Variants in OR52R1 observed in about 807,000 individuals in gnomAD.
The protein encoded by OR52R1 is olfactory receptor 52R1.
For synonymous variants in OR52R1, 159 were observed against 150.1 expected, an observed-to-expected ratio of 1.06 and a Z score of -0.43; for missense variants, 432 against 395.1, an observed-to-expected ratio of 1.09 and a Z score of -0.79.
Position 4,804,160 on chromosome 11 carries a change from A to G in OR52R1, c.221T>C (p.Leu74Pro), listed in dbSNP as rs1849229128. Reference sequence around the variant, plus strand: ...AGGTTGAGTGGAGGAGGAGAGGACCAGGTCAGTGATGGCCAGCATGGCCAG... The same window carrying G: ...AGGTTGAGTGGAGGAGGAGAGGACCGGGTCAGTGATGGCCAGCATGGCCAG... ...LFLAMLAITD[L>P]VLSSSTQPKM... The change falls in exon 1 of 1, where the codon CTG (leucine) becomes CCG (proline). Residue 74 changes from leucine to proline, a missense_variant. Transcript: ENST00000624978. 2.5e-6 allele frequency: 4 copies of G among 1,614,200 alleles called. No homozygotes were observed. The highest frequency in any genetic ancestry group is 1.6e-4 in the Middle Eastern group (1 of 6,062).
rs1482185083 is a variant in OR52R1 at position 4,804,117 on chromosome 11, G to T, written c.264C>A (p.Phe88Leu). The T allele has an allele frequency of 1.2e-6, 2 of 1,614,154 alleles. No homozygotes were observed. Among genetic ancestry groups the T allele is most frequent in the Non-Finnish European group, 1.7e-6 (2 of 1,180,026 alleles). ...ACTGAATCTCATGAGCATGAAACCA[G>T]AATATGGCCAACATCTTAGGTTGAG... ...SSTQPKMLAI[F>L]WFHAHEIQYH... The change falls in exon 1 of 1, where the codon TTC (phenylalanine) becomes TTA (leucine). Residue 88 changes from phenylalanine to leucine, a missense_variant. Transcript: ENST00000624978.
chr11:4,803,817 C>T lies in OR52R1; in HGVS notation c.564G>A (p.Leu188=), dbSNP rs1440998639. ...TGCTTGTATCAGCACACACCAACTTCAGCACAGCCATGTGCTCACAGTATG... is the reference window on the plus strand; with the variant it reads ...TGCTTGTATCAGCACACACCAACTTTAGCACAGCCATGTGCTCACAGTATG... The part of the protein sequence containing the change: ...PQSYCEHMAV[L]KLVCADTSIS... The change falls in exon 1 of 1, where the codon CTG becomes CTA. Residue 188 remains leucine, a synonymous_variant. Transcript: ENST00000624978. The T allele has an allele frequency of 1.2e-6, 2 of 1,613,114 alleles. No individual in the cohort carries two copies. The highest frequency in any genetic ancestry group is 1.7e-6 in the Non-Finnish European group (2 of 1,179,868).
rs750532090 is a variant in OR52R1 at position 4,804,075 on chromosome 11, G to C, written c.306C>G (p.Ile102Met). The change falls in exon 1 of 1, where the codon ATC (isoleucine) becomes ATG (methionine). Residue 102 changes from isoleucine to methionine, a missense_variant. Physicochemically the swap from Ile to Met is conservative, Grantham distance 10. Coordinates refer to ENST00000624978, the MANE Select transcript of OR52R1 (RefSeq NM_001005177.3). ...AHEIQYHACL[I>M]QVFFIHAFSS... ...AAAAGGCATGGATGAAGAACACCTG[G>C]ATGAGGCAGGCATGGTACTGAATCT... 8 of 1,613,966 alleles carry C rather than the reference G, an allele frequency of 5.0e-6. No individual in the cohort carries two copies. The highest frequency in any genetic ancestry group is 5.1e-6 in the Non-Finnish European group (6 of 1,180,040).
At position 4,803,465 on chromosome 11, in the gene OR52R1, C is replaced by A. The variant is rs1351572757; in HGVS notation, c.916G>T (p.Val306Phe). Residue 306 changes from valine to phenylalanine, a missense_variant, in exon 1 of 1, where the codon GTT becomes TTT. Transcript: ENST00000624978. ...ATGTTTCCACAACATCCTTGGATAA[C>A]CCTGTCCCCGATCTGTTTGGTTCTA... The part of the protein sequence containing the change: ...GVRTKQIGDR[V>F]IQGCCGNIP 7.4e-6 allele frequency: 12 copies of A among 1,612,204 alleles called. No individual in the cohort carries two copies. The highest frequency in any genetic ancestry group is 2.2e-5 in the East Asian group (1 of 44,854).
In OR52R1 at chr11:4,803,745, A is replaced by G. The variant is rs1472100982; in HGVS notation, c.636T>C (p.Phe212=). 6.2e-7 allele frequency: 1 copy of G among 1,613,832 alleles called. No homozygotes were observed. Among genetic ancestry groups the G allele is most frequent in the South Asian group, 1.1e-5 (1 of 91,036 alleles). ...GLFVAFSVAG[F]DMIVIGMSYV... ...ATGACATACCAATGACAATCATATC[A>G]AAGCCAGCCACAGAGAAGGCCACAA... The change falls in exon 1 of 1, where the codon TTT becomes TTC. Residue 212 remains phenylalanine, a synonymous_variant. Coordinates refer to ENST00000624978, the MANE Select transcript of OR52R1 (RefSeq NM_001005177.3).
Position 4,803,545 on chromosome 11 carries a change from AACAGGATG to A in OR52R1, c.828_835del (p.Ile277CysfsTer2). On this transcript the variant is annotated frameshift_variant, in exon 1 of 1. Transcript: ENST00000624978. LOFTEE classifies it high-confidence loss of function. ...AGGTATCAGTAGATAGAGATTAGCA[AACAGGATG>A]TGTACAACTCGGGGCACATCATGGC... 6.2e-7 allele frequency: 1 copy of A among 1,614,078 alleles called. No individual in the cohort carries two copies. Among genetic ancestry groups the A allele is most frequent in the Non-Finnish European group, 8.5e-7 (1 of 1,179,986 alleles).
chr11:4,803,475 G>C lies in OR52R1; in HGVS notation c.906C>G (p.Ile302Met), dbSNP rs751452967. The change falls in exon 1 of 1, where the codon ATC becomes ATG. Residue 302 changes from isoleucine (I) to methionine (M), a missense_variant. Physicochemically the swap from Ile to Met is conservative, Grantham distance 10. Coordinates refer to ENST00000624978, the MANE Select transcript of OR52R1 (RefSeq NM_001005177.3). ...PIIYGVRTKQ[I>M]GDRVIQGCCG... ...AACATCCTTGGATAACCCTGTCCCC[G>C]ATCTGTTTGGTTCTAACTCCATAAA... is the stretch of plus-strand genomic sequence containing the variant. The C allele has an allele frequency of 1.4e-5, 22 of 1,613,108 alleles. No homozygotes were observed. Among genetic ancestry groups the C allele is most frequent in the Non-Finnish European group, 1.8e-5 (21 of 1,179,406 alleles).
rs752734603 is a variant in OR52R1 at position 4,803,471 on chromosome 11, C to A, written c.910G>T (p.Asp304Tyr). ...IYGVRTKQIGDRVIQGCCGNI... is the reference protein window; with the variant it reads ...IYGVRTKQIGYRVIQGCCGNI... ...CCACAACATCCTTGGATAACCCTGT[C>A]CCCGATCTGTTTGGTTCTAACTCCA... Residue 304 changes from aspartate to tyrosine, a missense_variant, in exon 1 of 1, where the codon GAC (aspartate) becomes TAC (tyrosine). Coordinates refer to ENST00000624978, the MANE Select transcript of OR52R1 (RefSeq NM_001005177.3). 1.1e-5 allele frequency: 18 copies of A among 1,613,112 alleles called. No homozygotes were observed. The East Asian group carries it at 4.0e-4, about 36-fold the overall frequency.
At position 4,803,966 on chromosome 11, in the gene OR52R1, G is replaced by A. The variant is rs139118038; in HGVS notation, c.415C>T (p.Leu139=). ...ICFPLRHSSI[L]TPSVVIKLGT... Reference sequence around the variant, plus strand: ...AGTTTGATCACGACCGATGGGGTCAGGATGCTAGAGTGTCGGAGTGGGAAG... The same window carrying A: ...AGTTTGATCACGACCGATGGGGTCAAGATGCTAGAGTGTCGGAGTGGGAAG... The change falls in exon 1 of 1, where the codon CTG becomes TTG. Residue 139 remains leucine (L), a synonymous_variant. Transcript: ENST00000624978. The A allele has an allele frequency of 4.5e-4, 724 of 1,613,742 alleles. 4 individuals carry two copies. The East Asian group carries it at 0.015, about 32-fold the overall frequency.
rs779696619 is a variant in OR52R1, at chr11:4,803,490, A to G, written c.891T>C (p.Val297=). ...PPMLNPIIYG[V]RTKQIGDRVI... is the part of the protein sequence containing the mutation. Reference sequence around the variant, plus strand: ...CCCTGTCCCCGATCTGTTTGGTTCTAACTCCATAAATGATGGGGTTGAGCA... The same window carrying G: ...CCCTGTCCCCGATCTGTTTGGTTCTGACTCCATAAATGATGGGGTTGAGCA... The change falls in exon 1 of 1, where the codon GTT becomes GTC. Residue 297 remains valine (V), a synonymous_variant. Transcript: ENST00000624978. 6.2e-7 allele frequency: 1 copy of G among 1,614,112 alleles called. No individual in the cohort carries two copies. The highest frequency in any genetic ancestry group is 8.5e-7 in the Non-Finnish European group (1 of 1,180,012).
chr11:4,804,318 T>G lies in OR52R1; in HGVS notation c.63A>C (p.Pro21=), dbSNP rs1849233349. 6.2e-7 allele frequency: 1 copy of G among 1,614,092 alleles called. No homozygotes were observed. Among genetic ancestry groups the G allele is most frequent in the South Asian group, 1.1e-5 (1 of 91,068 alleles). The stretch of plus-strand genomic sequence containing the variant: ...TCCACAACTGGAAACTCTCCAGGCC[T>G]GGGATTCCAAGCAGGATGAAGGACA... ...HPVSFILLGI[P]GLESFQLWIA... is the part of the protein sequence containing the mutation. Residue 21 remains proline (P), a synonymous_variant, in exon 1 of 1, where the codon CCA becomes CCC. Transcript: ENST00000624978.
chr11:4,803,481 T>C lies in OR52R1; in HGVS notation c.900A>G (p.Lys300=). ...CTTGGATAACCCTGTCCCCGATCTG[T>C]TTGGTTCTAACTCCATAAATGATGG... ...LNPIIYGVRT[K]QIGDRVIQGC... The change falls in exon 1 of 1, where the codon AAA becomes AAG. Residue 300 remains lysine (K), a synonymous_variant. Transcript: ENST00000624978. 1.9e-6 allele frequency: 3 copies of C among 1,613,850 alleles called. No homozygotes were observed. Among genetic ancestry groups the C allele is most frequent in the Non-Finnish European group, 2.5e-6 (3 of 1,179,832 alleles).
Position 4,803,999 on chromosome 11 carries a change from C to T in OR52R1, c.382G>A (p.Ala128Thr), listed in dbSNP as rs1290094974. 3.7e-6 allele frequency: 6 copies of T among 1,613,804 alleles called. No homozygotes were observed. Among genetic ancestry groups the T allele is most frequent in the Non-Finnish European group, 5.1e-6 (6 of 1,179,992 alleles). ...LMAMALDCYV[A>T]ICFPLRHSSI... ...GAGTGTCGGAGTGGGAAGCAGATAG[C>T]CACGTAGCAGTCCAGGGCCATAGCC... The change falls in exon 1 of 1, where the codon GCT becomes ACT. Residue 128 changes from alanine to threonine, a missense_variant. Coordinates refer to ENST00000624978, the MANE Select transcript of OR52R1 (RefSeq NM_001005177.3).
At position 4,803,502 on chromosome 11, in the gene OR52R1, G is replaced by A. The variant is rs531784866; in HGVS notation, c.879C>T (p.Ile293=). Reference sequence around the variant, plus strand: ...TCTGTTTGGTTCTAACTCCATAAATGATGGGGTTGAGCATGGGAGGTATCA... The same window carrying A: ...TCTGTTTGGTTCTAACTCCATAAATAATGGGGTTGAGCATGGGAGGTATCA... ...YLLIPPMLNP[I]IYGVRTKQIG... The change falls in exon 1 of 1, where the codon ATC becomes ATT. Residue 293 remains isoleucine, a synonymous_variant. Coordinates refer to ENST00000624978, the MANE Select transcript of OR52R1 (RefSeq NM_001005177.3). The A allele has an allele frequency of 1.2e-6, 2 of 1,614,080 alleles. No individual in the cohort carries two copies. Among genetic ancestry groups the A allele is most frequent in the African/African-American group, 1.3e-5 (1 of 75,024 alleles).
chr11:4,803,647 G>C lies in OR52R1; in HGVS notation c.734C>G (p.Ser245Cys). Residue 245 changes from serine to cysteine, a missense_variant, in exon 1 of 1, where the codon TCC becomes TGC. By Grantham distance (112) the Ser-to-Cys change is moderately radical. Coordinates refer to ENST00000624978, the MANE Select transcript of OR52R1 (RefSeq NM_001005177.3). ...EARLKAFSTRSSHICVILALY... is the reference protein window; with the variant it reads ...EARLKAFSTRCSHICVILALY... ...AGCCAAGATGACACAGATATGGGAG[G>C]AACGTGTGCTAAAAGCTTTGAGGCG... 6.2e-7 allele frequency: 1 copy of C among 1,613,888 alleles called. No individual in the cohort carries two copies. Among genetic ancestry groups the C allele is most frequent in the Non-Finnish European group, 8.5e-7 (1 of 1,179,982 alleles).
rs765100364 is a variant in OR52R1, at chr11:4,803,806, C to T, written c.575G>A (p.Cys192Tyr). The T allele has an allele frequency of 1.2e-6, 2 of 1,612,926 alleles. No individual in the cohort carries two copies. The highest frequency in any genetic ancestry group is 1.3e-5 in the African/African-American group (1 of 74,518). Residue 192 changes from cysteine to tyrosine, a missense_variant, in exon 1 of 1, where the codon TGT (cysteine) becomes TAT (tyrosine). Cys to Tyr is a radical substitution (Grantham distance 194, BLOSUM62 -2). Coordinates refer to ENST00000624978, the MANE Select transcript of OR52R1 (RefSeq NM_001005177.3). ...CCCACGACTTATGCTTGTATCAGCA[C>T]ACACCAACTTCAGCACAGCCATGTG... Reference protein sequence around the residue: ...CEHMAVLKLVCADTSISRGNG... With the variant: ...CEHMAVLKLVYADTSISRGNG...
Position 4,803,530 on chromosome 11 carries a change from A to T in OR52R1, c.851T>A (p.Leu284Gln). 6.2e-7 allele frequency: 1 copy of T among 1,614,068 alleles called. No individual in the cohort carries two copies. The highest frequency in any genetic ancestry group is 8.5e-7 in the Non-Finnish European group (1 of 1,179,948). ...VVHILFANLY[L>Q]LIPPMLNPII... ...GGGGTTGAGCATGGGAGGTATCAGT[A>T]GATAGAGATTAGCAAACAGGATGTG... The change falls in exon 1 of 1, where the codon CTA becomes CAA. Residue 284 changes from leucine (L) to glutamine (Q), a missense_variant. Transcript: ENST00000624978.
rs745895279 is a variant in OR52R1 at position 4,803,649 on chromosome 11, AC to A, written c.731del (p.Arg244LeufsTer42). On this transcript the variant is annotated frameshift_variant, in exon 1 of 1. Transcript: ENST00000624978. LOFTEE classifies it high-confidence loss of function. The part of the protein sequence containing the change: ...GEARLKAFST[R>X]SSHICVILAL... ...CCAAGATGACACAGATATGGGAGGA[AC>A]GTGTGCTAAAAGCTTTGAGGCGGGC... 1 of 1,613,986 alleles carries A rather than the reference AC, an allele frequency of 6.2e-7. No individual in the cohort carries two copies. Among genetic ancestry groups the A allele is most frequent in the African/African-American group, 1.3e-5 (1 of 74,980 alleles).
chr11:4,803,532 A>G lies in OR52R1; in HGVS notation c.849T>C (p.Tyr283=), dbSNP rs751541236. 6.8e-6 allele frequency: 11 copies of G among 1,614,118 alleles called. No homozygotes were observed. The highest frequency in any genetic ancestry group is 3.3e-5 in the South Asian group (3 of 91,076). ...RVVHILFANL[Y]LLIPPMLNPI... ...GGTTGAGCATGGGAGGTATCAGTAG[A>G]TAGAGATTAGCAAACAGGATGTGTA... Residue 283 remains tyrosine, a synonymous_variant, in exon 1 of 1, where the codon TAT becomes TAC. Transcript: ENST00000624978.
Sources: gnomAD v4.1 joint callset for allele counts on GRCh38, gnomAD v4.1.1 for gene constraint, MANE v1.5 for transcripts, NCBI Gene and HGNC (gene_info 2026-07-23, HGNC 2026-07-21) for gene names.